The following NBEAL1 variants were observed in gnomAD, a reference collection of about 807,000 sequenced individuals.
NBEAL1 encodes the protein neurobeachin like 1, also known as neurobeachin-like protein 1.
Under a neutral mutation model 351.3 loss-of-function variants are expected in NBEAL1, and 273 were observed. The observed-to-expected ratio is 0.78, with a 90% CI of 0.70 to 0.86. The LOEUF (loss-of-function observed/expected upper bound fraction) is 0.86, where lower values mean the gene tolerates loss of function less well. Among genes scored for constraint, NBEAL1 ranks in the 40% least tolerant of loss-of-function variants. The pLI, the probability that NBEAL1 is intolerant of heterozygous loss-of-function variation, is 0.00. For missense variants in NBEAL1, 2,961 were observed against 3,201.3 expected, an observed-to-expected ratio of 0.92 and a Z score of 1.81; for synonymous variants, 1,050 against 1,086.4, an observed-to-expected ratio of 0.97 and a Z score of 0.66.
In NBEAL1 at chr2:203,180,501, A is replaced by G. The variant is rs1559043004; in HGVS notation, c.6584A>G (p.Glu2195Gly). 6.2e-7 allele frequency: 1 copy of G among 1,608,714 alleles called. No individual in the cohort carries two copies. Among genetic ancestry groups the G allele is most frequent in the Admixed American group, 1.7e-5 (1 of 59,532 alleles). Residue 2195 changes from glutamate to glycine, a missense_variant, in exon 43 of 56, where the codon GAA becomes GGA. Transcript: ENST00000683969. ...TTCTTCTATTTCCCAGAGTTTTTGGAAAATCAAAATCGTAAGAAATAGAGG... is the reference window on the plus strand; with the variant it reads ...TTCTTCTATTTCCCAGAGTTTTTGGGAAATCAAAATCGTAAGAAATAGAGG... ...PEFFYFPEFLENQNQFNLGRL... is the reference protein window; with the variant it reads ...PEFFYFPEFLGNQNQFNLGRL...
At chr2:203,098,014 T>C (rs1317378768) in intron 11 of NBEAL1, among the ~76,000 whole-genome samples, 3 of 152,222 alleles carry the variant, frequency 2.0e-5, no homozygotes, top group African/African-American at 7.2e-5. Context: ...GTTAATATCT[T>C]GATTCTTTGC....
At chr2:203,050,945 A>G (rs1184590966) in intron 4 of NBEAL1, among the ~76,000 whole-genome samples, 1 of 152,140 alleles carries the variant, frequency 6.6e-6, no homozygotes, top group Admixed American at 6.5e-5. Context: ...ACCTATCTTC[A>G]TTTCGGAAGC....
At position 203,112,977 on chromosome 2, in the gene NBEAL1, G is replaced by T. The variant is rs1377125300; in HGVS notation, c.2203-38G>T. ...TTTTATGTTAAATATGAGGATATAT[G>T]TTAATTAAAATTGTGTAATTTGTTT... On this transcript the variant is annotated intron_variant, in intron 16 of 55. Coordinates refer to ENST00000683969, the MANE Select transcript of NBEAL1 (RefSeq NM_001378026.1). The T allele has an allele frequency of 2.1e-6, 3 of 1,412,520 alleles. No individual in the cohort carries two copies. In the South Asian group the frequency reaches 4.9e-5, roughly 23 times the overall value. 87.5% of individuals were successfully genotyped at this position (1,412,520 alleles called of 1,614,324 possible). A position where few individuals can be genotyped will look rare whatever the true frequency, so the allele number is the denominator to read the frequency against.
In NBEAL1 at chr2:203,217,233, CT is replaced by C; in HGVS notation, c.8071-17del. 6.8e-7 allele frequency: 1 copy of C among 1,460,746 alleles called. No individual in the cohort carries two copies. Among genetic ancestry groups the C allele is most frequent in the Non-Finnish European group, 9.1e-7 (1 of 1,098,326 alleles). The allele number at this position is 1,460,746 out of a possible 1,614,324, so 90.5% of individuals were successfully genotyped here. ...TTTTCTTAATATTTATTCTTCATTTCTTTGGATTACTTTACACAGATGCGTT... is the reference window on the plus strand; with the variant it reads ...TTTTCTTAATATTTATTCTTCATTTCTTGGATTACTTTACACAGATGCGTT... On this transcript the variant is annotated intron_variant, in intron 55 of 55. Coordinates refer to ENST00000683969, the MANE Select transcript of NBEAL1 (RefSeq NM_001378026.1).
intron 51 of NBEAL1, 86 bp downstream of exon 51, chr2:203,202,867 G>C: frequency 1.3e-6 from 1 of 765,582 alleles, no homozygotes; most frequent in East Asian, 2.5e-5. Context: ...ACATCGAATT[G>C]TTTTCTGGCA....
intron 7 of NBEAL1, 90 bp downstream of exon 7, chr2:203,068,565 TTTG>T (rs2061631468): frequency 3.2e-6 from 2 of 629,892 alleles, no homozygotes; most frequent in Non-Finnish European, 5.2e-6. Context: ...TTGATTCAGC[TTTG>T]TTAATTTATA....
chr2:203,095,371 C>G (rs1005808086), intron 10 of NBEAL1, among the ~76,000 whole-genome samples: 2 of 151,562 alleles, frequency 1.3e-5, no homozygotes, highest in South Asian at 4.2e-4. Context: ...CTCGGCTCAC[C>G]GCAACCTCCA....
chr2:203,174,958 G>C (rs2064451670), intron 41 of NBEAL1, among the ~76,000 whole-genome samples, 189 bp from the exon 42 acceptor site: 1 of 151,930 alleles, frequency 6.6e-6, no homozygotes, highest in African/African-American at 2.4e-5. Context: ...TCAGAAAAAA[G>C]TATTAAGCAA....
At chr2:203,166,070 A>T (rs1003881851) in intron 36 of NBEAL1, 79 bp from the exon 37 acceptor site, 1 of 1,288,340 alleles carries the variant, frequency 7.8e-7, no homozygotes. Flanking sequence ...AAGAGATTAT[A>T]TTTAAATGTG....
chr2:203,117,395 G>A (rs931139079), intron 18 of NBEAL1, among the ~76,000 whole-genome samples: 12 of 147,562 alleles, frequency 8.1e-5, no homozygotes, highest in African/African-American at 2.8e-4. Flanking sequence ...CTGGGGAGGC[G>A]GAGCTTGCAT....
At chr2:203,192,018 A>G (rs1363410659) in intron 46 of NBEAL1, among the ~76,000 whole-genome samples, 2 of 152,234 alleles carry the variant, frequency 1.3e-5, no homozygotes. Context: ...AGCTATTACA[A>G]CAGTAGTGTA....
intron 4 of NBEAL1, among the ~76,000 whole-genome samples, chr2:203,053,418 A>G (rs1400096194): frequency 6.6e-6 from 1 of 152,066 alleles, no homozygotes; most frequent in East Asian, 1.9e-4. Flanking sequence ...TAAAAATTGA[A>G]TTGTTTTCTT....
At chr2:203,046,501 G>A (rs1415626181) in intron 3 of NBEAL1, among the ~76,000 whole-genome samples, 1 of 152,100 alleles carries the variant, frequency 6.6e-6, no homozygotes, top group African/African-American at 2.4e-5. Flanking sequence ...CTACAGGCAT[G>A]AGCCACCGCA....
At chr2:203,120,924 G>A (rs537128529) in intron 18 of NBEAL1, among the ~76,000 whole-genome samples, 7 of 152,322 alleles carry the variant, frequency 4.6e-5, no homozygotes, top group East Asian at 1.9e-4. Context: ...TTTCTCAATT[G>A]TTTAAGAGGA....
chr2:203,049,723 G>T (rs1409029531), intron 3 of NBEAL1, 91 bp from the exon 4 acceptor site: 6 of 1,122,616 alleles, frequency 5.3e-6, no homozygotes, highest in Admixed American at 2.8e-5. Context: ...GCTTCTTTAG[G>T]ATTTGGGCTG....
At chr2:203,053,873 T>A (rs2061363770) in intron 4 of NBEAL1, among the ~76,000 whole-genome samples, 1 of 152,168 alleles carries the variant, frequency 6.6e-6, no homozygotes, top group African/African-American at 2.4e-5. Flanking sequence ...TTTATTCTTT[T>A]AATAGTATTT....
chr2:203,168,114 A>C (rs2064194497), intron 38 of NBEAL1, among the ~76,000 whole-genome samples: 1 of 152,234 alleles, frequency 6.6e-6, no homozygotes, highest in Non-Finnish European at 1.5e-5. Flanking sequence ...AAGTCTTTTT[A>C]CTGTTACAAG....
intron 6 of NBEAL1, among the ~76,000 whole-genome samples, chr2:203,064,171 A>T (rs1230303154): frequency 1.3e-5 from 2 of 152,096 alleles, no homozygotes; most frequent in African/African-American, 4.8e-5. Flanking sequence ...CTCCTGCCTC[A>T]GCCTCCCAAG....
intron 8 of NBEAL1, among the ~76,000 whole-genome samples, chr2:203,082,322 G>A (rs2061888226): frequency 6.6e-6 from 1 of 152,212 alleles, no homozygotes; most frequent in Non-Finnish European, 1.5e-5. Context: ...GGAAGGTGAA[G>A]GAAATTGAAT....
Sources: allele counts gnomAD v4.1 joint callset (sites outside exome capture counted in the v4.1 genomes callset), GRCh38; gene constraint gnomAD v4.1.1; transcripts MANE v1.5; gene names NCBI Gene and HGNC (gene_info 2026-07-23, HGNC 2026-07-21).